DDB2: variants seen among roughly 807,000 people sequenced by gnomAD.
The protein encoded by DDB2 is DNA damage-binding protein 2.
In DDB2, 27 loss-of-function variants were observed where a neutral mutation model predicts 50.5. The ratio of observed to expected loss-of-function variants is 0.53; its 90% CI spans 0.39 to 0.74. DDB2 has a LOEUF of 0.74. Among genes scored for constraint, DDB2 ranks in the 30% least tolerant of loss-of-function variants. DDB2 has a pLI of 0.00. For missense variants in DDB2, 424 were observed against 545.6 expected (o/e 0.78, Z 2.22); for synonymous variants, 176 against 205.5 (o/e 0.86, Z 1.23).
chr11:47,238,292 C>A, intron 9 of DDB2, 109 bp downstream of exon 9: 1 of 1,001,696 alleles, frequency 1.0e-6, no homozygotes, highest in Non-Finnish European at 1.5e-6. Flanking sequence ...AGGGCAGTGG[C>A]CCACGAAGAA....
At chr11:47,217,806 G>T (rs975858546) in intron 3 of DDB2, among the ~76,000 whole-genome samples, 1 of 152,054 alleles carries the variant, frequency 6.6e-6, no homozygotes, top group African/African-American at 2.4e-5. Flanking sequence ...CAGGAGAATC[G>T]CTTGAACCCG....
At chr11:47,229,835 T>C (rs1953618866) in intron 3 of DDB2, 7 of 414,406 alleles carry the variant, frequency 1.7e-5, no homozygotes, top group African/African-American at 4.4e-5. Flanking sequence ...TTTTTTTTTT[T>C]CTTCTTCCTA....
In DDB2 at chr11:47,236,817, C is replaced by T. The variant is rs140669941; in HGVS notation, c.1024-1020C>T. On this transcript the variant is annotated intron_variant, in intron 7 of 9. Transcript: ENST00000256996. Reference sequence around the variant, plus strand: ...GTTCCTGTTAATCCATCAGTGTTCCCGATAATCCATCTGTCTGCATGTCCC... The same window carrying T: ...GTTCCTGTTAATCCATCAGTGTTCCTGATAATCCATCTGTCTGCATGTCCC... 5.7e-3 allele frequency among the ~76,000 whole-genome samples: 870 copies of T among 152,286 alleles called. 4 individuals carry two copies. The highest frequency in any genetic ancestry group is 0.02 in the African/African-American group (820 of 41,548).
At chr11:47,235,113 T>A in intron 6 of DDB2, 157 bp from the exon 7 acceptor site, 2 of 1,328,262 alleles carry the variant, frequency 1.5e-6, no homozygotes, top group Non-Finnish European at 2.2e-6. Context: ...TTTCCAGAAT[T>A]TTTTTGTTGT....
chr11:47,216,697 G>A (rs1252088505), intron 2 of DDB2, among the ~76,000 whole-genome samples, 161 bp from the exon 3 acceptor site: 1 of 152,138 alleles, frequency 6.6e-6, no homozygotes, highest in African/African-American at 2.4e-5. Context: ...AAGATTATTC[G>A]TTCGTGTACA....
intron 7 of DDB2, 112 bp from the exon 8 acceptor site, chr11:47,237,725 G>C: frequency 8.8e-7 from 1 of 1,135,714 alleles, no homozygotes. Context: ...GTGAGCCACT[G>C]CACTCAGCCC....
Position 47,237,876 on chromosome 11 carries a change from C to T in DDB2, c.1063C>T (p.Arg355Ter), listed in dbSNP as rs1214499394. Reference sequence around the variant, plus strand: ...TCGCTACAACCTCATTGTTGTGGGCCGATACCCAGATCCTAATTTCAAAAG... The same window carrying T: ...TCGCTACAACCTCATTGTTGTGGGCTGATACCCAGATCCTAATTTCAAAAG... ...HPRYNLIVVG[R>*]YPDPNFKSCT... Residue 355 changes from arginine to a stop codon, truncating the protein, a stop_gained, in exon 8 of 10, where the codon CGA becomes TGA. Transcript: ENST00000256996. LOFTEE classifies it high-confidence loss of function. The T allele has an allele frequency of 2.4e-5, 38 of 1,613,956 alleles. No homozygotes were observed. Among genetic ancestry groups the T allele is most frequent in the Non-Finnish European group, 3.2e-5 (38 of 1,180,022 alleles).
At position 47,235,401 on chromosome 11, in the gene DDB2, A is replaced by G; in HGVS notation, c.1012A>G (p.Thr338Ala). The G allele has an allele frequency of 6.2e-7, 1 of 1,612,252 alleles. No homozygotes were observed. The highest frequency in any genetic ancestry group is 8.5e-7 in the Non-Finnish European group (1 of 1,179,684). The change falls in exon 7 of 10, where the codon ACA (threonine) becomes GCA (alanine). Residue 338 changes from threonine to alanine, a missense_variant. Coordinates refer to ENST00000256996, the MANE Select transcript of DDB2 (RefSeq NM_000107.3). The part of the protein sequence containing the change: ...PHPHRHFQHL[T>A]PIKAAWHPRY... ...CCCTCACCGTCACTTCCAGCACCTC[A>G]CACCCATCAAGGTGAGTGGCGGTGG...
At chr11:47,226,389 G>A (rs904923383) in intron 3 of DDB2, among the ~76,000 whole-genome samples, 4 of 151,552 alleles carry the variant, frequency 2.6e-5, no homozygotes, top group Admixed American at 6.6e-5. Context: ...GATTCTCCTG[G>A]CTCAGCCTCC....
At chr11:47,238,264 C>A in intron 9 of DDB2, 81 bp downstream of exon 9, 1 of 1,306,278 alleles carries the variant, frequency 7.7e-7, no homozygotes. Flanking sequence ...CTCAGCCCCG[C>A]CCTGCCACAT....
At chr11:47,218,125 T>TA in intron 3 of DDB2, among the ~76,000 whole-genome samples, 1 of 152,326 alleles carries the variant, frequency 6.6e-6, no homozygotes, top group South Asian at 2.1e-4. Flanking sequence ...TGGTTGTCCT[T>TA]ACTCATAACG....
intron 3 of DDB2, among the ~76,000 whole-genome samples, chr11:47,226,144 A>C (rs1410191422): frequency 1.3e-5 from 2 of 152,202 alleles, no homozygotes; most frequent in Non-Finnish European, 2.9e-5. Flanking sequence ...CGATTGCTTC[A>C]TCAAATGGTA....
intron 7 of DDB2, 31 bp from the exon 8 acceptor site, chr11:47,237,806 T>C: frequency 1.2e-6 from 2 of 1,612,790 alleles, no homozygotes; most frequent in Non-Finnish European, 1.7e-6. Context: ...GTTCTGTGTT[T>C]ACCCTCATGG....
At chr11:47,231,195 C>G (rs1953645031) in intron 3 of DDB2, among the ~76,000 whole-genome samples, 1 of 149,508 alleles carries the variant, frequency 6.7e-6, no homozygotes, top group Admixed American at 6.7e-5. Context: ...ATAGTAAGCA[C>G]TTAATAAGGT....
chr11:47,235,270 C>T lies in DDB2; in HGVS notation c.881C>T (p.Ala294Val). The change falls in exon 7 of 10, where the codon GCT becomes GTT. Residue 294 changes from alanine (A) to valine (V), a missense_variant and splice_region_variant. Coordinates refer to ENST00000256996, the MANE Select transcript of DDB2 (RefSeq NM_000107.3). ...GCTCAGGGGCTTTTCACTTTGCCAG[C>T]TTGTTTCAGTCCCGATGGAGCCCGG... is the stretch of plus-strand genomic sequence containing the variant. ...SLPHRHPVNA[A>V]CFSPDGARLL... 6.2e-7 allele frequency: 1 copy of T among 1,614,218 alleles called. No homozygotes were observed. Among genetic ancestry groups the T allele is most frequent in the East Asian group, 2.2e-5 (1 of 44,890 alleles).
intron 7 of DDB2, 61 bp from the exon 8 acceptor site, chr11:47,237,776 T>C (rs1953754409): frequency 1.3e-6 from 2 of 1,555,066 alleles, no homozygotes; most frequent in Non-Finnish European, 1.8e-6. Context: ...ATATTTGTTT[T>C]TGATGTCCCC....
chr11:47,231,768 C>T (rs949284147), intron 3 of DDB2, among the ~76,000 whole-genome samples: 3 of 152,130 alleles, frequency 2.0e-5, no homozygotes, highest in Non-Finnish European at 4.4e-5. Flanking sequence ...AATCCCCCCG[C>T]CTCAGTCTCC....
rs145264146 is a variant in DDB2, at chr11:47,217,043, C to A, written c.450C>A (p.Ile150=). Residue 150 remains isoleucine, a synonymous_variant, in exon 3 of 10, where the codon ATC becomes ATA. Transcript: ENST00000256996. The part of the protein sequence containing the change: ...NFGIKDKPTF[I]KGIGAGGSIT... The stretch of plus-strand genomic sequence containing the variant: ...GCATCAAGGACAAACCCACCTTCAT[C>A]AAAGGGGTGAGCAGTTCCCCATGCC... 28 of 1,613,686 alleles carry A rather than the reference C, an allele frequency of 1.7e-5. No individual in the cohort carries two copies. In the African/African-American group the frequency reaches 3.1e-4, roughly 18 times the overall value.
At chr11:47,225,619 G>A (rs1214456429) in intron 3 of DDB2, among the ~76,000 whole-genome samples, 2 of 151,548 alleles carry the variant, frequency 1.3e-5, no homozygotes, top group Non-Finnish European at 1.5e-5. Context: ...ACAAAAAACT[G>A]GTAGAAAACA....
Sources: gnomAD v4.1 joint callset for allele counts (sites outside exome capture counted in the v4.1 genomes callset) on GRCh38, gnomAD v4.1.1 for gene constraint, MANE v1.5 for transcripts, NCBI Gene and HGNC (gene_info 2026-07-23, HGNC 2026-07-21) for gene names.